Variants in BCAS1 observed in about 807,000 individuals in gnomAD.
BCAS1 encodes brain enriched myelin associated protein 1.
A neutral mutation model predicts 65.4 loss-of-function variants in BCAS1; 46 were observed. The ratio of observed to expected loss-of-function variants is 0.70; its 90% CI spans 0.55 to 0.90. The LOEUF (loss-of-function observed/expected upper bound fraction) is 0.90. Ranked by LOEUF, BCAS1 falls within the 40% of genes least tolerant of loss-of-function variation. The pLI is 0.00. For missense variants in BCAS1, 793 were observed against 771.2 expected (o/e 1.03, Z -0.33); for synonymous variants, 298 against 293.5 (o/e 1.02, Z -0.16).
intron 3 of BCAS1, among the ~76,000 whole-genome samples, chr20:54,047,471 C>G (rs1270490302): frequency 2.9e-4 from 44 of 152,212 alleles, no homozygotes; most frequent in Non-Finnish European, 2.2e-4. Context: ...GAATTCTCCA[C>G]TAGACTTTTT....
intron 3 of BCAS1, among the ~76,000 whole-genome samples, chr20:54,039,761 C>T (rs1424021225): frequency 6.6e-6 from 1 of 151,120 alleles, no homozygotes; most frequent in African/African-American, 2.4e-5. Flanking sequence ...TCTCTGAACC[C>T]TTTGTTTTTC....
intron 7 of BCAS1, among the ~76,000 whole-genome samples, chr20:53,991,701 G>T (rs1048124566): frequency 6.6e-6 from 1 of 152,128 alleles, no homozygotes; most frequent in Non-Finnish European, 1.5e-5. Flanking sequence ...TTTCCGCCTG[G>T]ACTTTTATTT....
At chr20:54,011,245 T>C (rs1467184957) in intron 4 of BCAS1, among the ~76,000 whole-genome samples, 1 of 151,902 alleles carries the variant, frequency 6.6e-6, no homozygotes, top group Non-Finnish European at 1.5e-5. Context: ...TCATCAAAAC[T>C]AAAAAATTTT....
intron 3 of BCAS1, among the ~76,000 whole-genome samples, chr20:54,036,195 A>G (rs1045139462): frequency 6.6e-6 from 1 of 151,014 alleles, no homozygotes; most frequent in Non-Finnish European, 1.5e-5. Flanking sequence ...AAATTTACCT[A>G]TATAACAAAC....
rs1334409421 is a variant in BCAS1 at position 53,943,725 on chromosome 20, G to A, written c.*1197C>T. 6.6e-6 allele frequency: 1 copy of A among 152,060 alleles called. No homozygotes were observed. The highest frequency in any genetic ancestry group is 1.5e-5 in the Non-Finnish European group (1 of 68,016). The allele number at this position is 152,060 out of a possible 1,614,324, so 9.4% of individuals were successfully genotyped here. On this transcript the variant is annotated 3_prime_UTR_variant, in exon 13 of 13. Coordinates refer to ENST00000688948, the MANE Select transcript of BCAS1 (RefSeq NM_001366298.2). ...TCTTCTGTAAATTTTTATTAACTGAGGTTATGGGGAGGGTTTTATCAGAGC... is the reference window on the plus strand; with the variant it reads ...TCTTCTGTAAATTTTTATTAACTGAAGTTATGGGGAGGGTTTTATCAGAGC...
intron 9 of BCAS1, among the ~76,000 whole-genome samples, chr20:53,968,425 G>A (rs1015932641): frequency 1.3e-5 from 2 of 152,088 alleles, no homozygotes; most frequent in Non-Finnish European, 2.9e-5. Context: ...CAAAAATATC[G>A]TCTGCTGAGA....
intron 4 of BCAS1, among the ~76,000 whole-genome samples, chr20:53,998,815 C>T (rs208379): frequency 0.39 from 59,498 of 151,958 alleles, 12,811 homozygotes; most frequent in East Asian, 0.62. Context: ...AATGCCAATA[C>T]GTCAAATATT....
intron 4 of BCAS1, among the ~76,000 whole-genome samples, chr20:54,023,435 G>A (rs2091604461): frequency 1.3e-5 from 2 of 152,320 alleles, no homozygotes; most frequent in Middle Eastern, 3.4e-3. Flanking sequence ...GGCTCAATGA[G>A]CTGATTTCTA....
At chr20:54,066,462 G>A (rs1223976675) in intron 1 of BCAS1, among the ~76,000 whole-genome samples, 1 of 152,204 alleles carries the variant, frequency 6.6e-6, no homozygotes, top group Non-Finnish European at 1.5e-5. Context: ...GCTATGGATT[G>A]AAATGTGTCC....
At chr20:54,067,443 G>C (rs2092458320) in intron 1 of BCAS1, among the ~76,000 whole-genome samples, 1 of 152,204 alleles carries the variant, frequency 6.6e-6, no homozygotes, top group Non-Finnish European at 1.5e-5. Context: ...ATCACTGTAA[G>C]GATTTAGCGC....
At chr20:54,013,844 C>T (rs458739) in intron 4 of BCAS1, among the ~76,000 whole-genome samples, 10,607 of 152,072 alleles carry the variant, frequency 0.07, 640 homozygotes, top group East Asian at 0.31. Flanking sequence ...ATTATGTTAC[C>T]GTTTGTGTAA....
intron 12 of BCAS1, among the ~76,000 whole-genome samples, chr20:53,947,938 C>T (rs1277996644): frequency 6.6e-6 from 1 of 152,192 alleles, no homozygotes; most frequent in African/African-American, 2.4e-5. Flanking sequence ...TACTGCCCTT[C>T]ATCTTCATGC....
rs2091785571 is a variant in BCAS1, at chr20:54,030,903, A to G, written c.143-1931T>C. ...ATATTATACTAAAGAAGAAAAAAAG[A>G]GGGAGAATAAGTAAGTGATAGATGG... is the stretch of plus-strand genomic sequence containing the variant. On this transcript the variant is annotated intron_variant, in intron 3 of 12. Coordinates refer to ENST00000688948, the MANE Select transcript of BCAS1 (RefSeq NM_001366298.2). Among the ~76,000 whole-genome samples, 2 of 151,462 alleles carry G rather than the reference A, an allele frequency of 1.3e-5. 1 individual carries two copies. Among genetic ancestry groups the G allele is most frequent in the Admixed American group, 1.3e-4 (2 of 15,168 alleles).
chr20:54,014,133 G>A (rs917543714), intron 4 of BCAS1, among the ~76,000 whole-genome samples: 2 of 152,206 alleles, frequency 1.3e-5, no homozygotes, highest in Admixed American at 6.5e-5. Context: ...CTTTAAACAT[G>A]TTATTTGTAG....
chr20:54,042,120 C>T (rs970132358), intron 3 of BCAS1, among the ~76,000 whole-genome samples: 1 of 152,004 alleles, frequency 6.6e-6, no homozygotes, highest in Non-Finnish European at 1.5e-5. Context: ...TGCTGGACTA[C>T]TGTAGTTGTG....
At chr20:54,052,123 T>C (rs2092226827) in intron 3 of BCAS1, among the ~76,000 whole-genome samples, 1 of 152,224 alleles carries the variant, frequency 6.6e-6, no homozygotes, top group Admixed American at 6.5e-5. Context: ...ATAATTCACA[T>C]ACAATAAAAT....
intron 4 of BCAS1, among the ~76,000 whole-genome samples, chr20:53,998,781 A>G (rs968745395): frequency 6.6e-6 from 1 of 152,162 alleles, no homozygotes; most frequent in Non-Finnish European, 1.5e-5. Context: ...TTAATATATT[A>G]TTATTTATTA....
intron 3 of BCAS1, among the ~76,000 whole-genome samples, chr20:54,051,148 T>C (rs943525813): frequency 2.0e-5 from 3 of 152,336 alleles, no homozygotes; most frequent in Middle Eastern, 3.4e-3. Flanking sequence ...TTTCACTAAA[T>C]GGAACAGCAT....
chr20:54,066,271 C>G (rs371941849), intron 1 of BCAS1, among the ~76,000 whole-genome samples: 3 of 152,112 alleles, frequency 2.0e-5, no homozygotes, highest in African/African-American at 7.2e-5. Context: ...ACGGGGTTTC[C>G]CCGTGTTAGC....
Sources: allele counts gnomAD v4.1 joint callset (sites outside exome capture counted in the v4.1 genomes callset), GRCh38; gene constraint gnomAD v4.1.1; transcripts MANE v1.5; gene names NCBI Gene and HGNC (gene_info 2026-07-23, HGNC 2026-07-21).